CNTNAP3: variants seen among roughly 807,000 people sequenced by gnomAD.
CNTNAP3 encodes the protein contactin-associated protein-like 3.
Under a neutral mutation model 92.1 loss-of-function variants are expected in CNTNAP3, and 36 were observed. The ratio of observed to expected loss-of-function variants is 0.39; its 90% CI spans 0.30 to 0.52. CNTNAP3 has a LOEUF of 0.52. CNTNAP3 is among the 20% of genes least tolerant of loss of function. The pLI, the probability that CNTNAP3 is intolerant of heterozygous loss-of-function variation, is 0.76. For synonymous variants in CNTNAP3, 232 were observed against 422.3 expected (o/e 0.55, Z 5.53); for missense variants, 534 against 1,069.6 (o/e 0.50, Z 6.98).
intron 18 of CNTNAP3, among the ~76,000 whole-genome samples, chr9:39,092,917 T>C (rs1034613598): frequency 2.1e-5 from 3 of 143,744 alleles, no homozygotes; most frequent in Admixed American, 2.0e-4. Context: ...AAGTTTGTAA[T>C]TGTTATATCT....
At chr9:39,139,280 T>C (rs1000230703) in intron 12 of CNTNAP3, among the ~76,000 whole-genome samples, 2 of 152,162 alleles carry the variant, frequency 1.3e-5, no homozygotes, top group African/African-American at 4.8e-5. Flanking sequence ...GTTGTGACTT[T>C]GGTTGAGTCT....
chr9:39,108,630 T>C (rs1348279411), intron 15 of CNTNAP3, among the ~76,000 whole-genome samples: 1 of 152,136 alleles, frequency 6.6e-6, no homozygotes, highest in Non-Finnish European at 1.5e-5. Context: ...AGTAGGTAGA[T>C]CCTCTAAGAA....
At chr9:39,150,011 C>T (rs774407879) in intron 9 of CNTNAP3, 34 bp from the exon 10 acceptor site, 1 of 1,606,294 alleles carries the variant, frequency 6.2e-7, no homozygotes, top group South Asian at 1.1e-5. Flanking sequence ...ACAAAAGCAA[C>T]AACTATGACA....
chr9:39,106,405 C>T (rs1826607138), intron 15 of CNTNAP3: 1 of 152,154 alleles, frequency 6.6e-6, no homozygotes, highest in Admixed American at 6.6e-5. Flanking sequence ...ATCATCTCAC[C>T]TAAGCCTTCC....
intron 23 of CNTNAP3, among the ~76,000 whole-genome samples, chr9:39,077,977 G>C (rs1614220): frequency 0.092 from 6,006 of 65,162 alleles, no homozygotes; most frequent in South Asian, 0.18. Context: ...AGGCTGAGGC[G>C]GGCAGATCAC....
intron 18 of CNTNAP3, among the ~76,000 whole-genome samples, chr9:39,097,036 C>G (rs1246046809): frequency 6.6e-6 from 1 of 151,882 alleles, no homozygotes; most frequent in African/African-American, 2.4e-5. Flanking sequence ...TGATATTTCT[C>G]TGATGATCTA....
chr9:39,251,142 G>A (rs1415298738), intron 2 of CNTNAP3, among the ~76,000 whole-genome samples: 113 of 5,968 alleles, frequency 0.019, 53 homozygotes, highest in Non-Finnish European at 0.05. Flanking sequence ...CAAGGCGGGC[G>A]AATCCCCTGA....
intron 14 of CNTNAP3, among the ~76,000 whole-genome samples, chr9:39,115,038 T>G (rs1820821790): frequency 6.6e-6 from 1 of 151,614 alleles, no homozygotes; most frequent in Non-Finnish European, 1.5e-5. Flanking sequence ...AATAAATCTT[T>G]GGCATGTTAT....
In CNTNAP3 at chr9:39,065,844, T is replaced by G. The variant is rs993024739; in HGVS notation, c.*8046A>C. Among the ~76,000 whole-genome samples the G allele has an allele frequency of 2.6e-5, 4 of 152,190 alleles. No individual in the cohort carries two copies. The highest frequency in any genetic ancestry group is 9.6e-5 in the African/African-American group (4 of 41,452). On this transcript the variant is annotated 3_prime_UTR_variant, in exon 24 of 24. Transcript: ENST00000297668. ...GAGTTGTTAAGAGTTCTTTATGAACTATATTCTGAAAAAAATTTACAGCAT... is the reference window on the plus strand; with the variant it reads ...GAGTTGTTAAGAGTTCTTTATGAACGATATTCTGAAAAAAATTTACAGCAT...
Position 39,068,139 on chromosome 9 carries a change from C to T in CNTNAP3, c.*5751G>A, listed in dbSNP as rs1443269795. Among the ~76,000 whole-genome samples, 2 of 152,306 alleles carry T rather than the reference C, an allele frequency of 1.3e-5. No individual in the cohort carries two copies. The highest frequency in any genetic ancestry group is 2.4e-5 in the African/African-American group (1 of 41,484). ...TTCAGGGCGGGCGCAGTGGCTTACG[C>T]CTGTGATACCAGCGCTTTAGGAGGC... is the stretch of plus-strand genomic sequence containing the variant. On this transcript the variant is annotated 3_prime_UTR_variant, in exon 24 of 24. Coordinates refer to ENST00000297668, the MANE Select transcript of CNTNAP3 (RefSeq NM_033655.5).
chr9:39,086,327 T>C, intron 20 of CNTNAP3: 1 of 241,554 alleles, frequency 4.1e-6, no homozygotes, highest in Non-Finnish European at 7.9e-6. Flanking sequence ...TTTAAGTTGC[T>C]AAAGTATTTG....
Position 39,065,965 on chromosome 9 carries a change from T to C in CNTNAP3, c.*7925A>G, listed in dbSNP as rs1046945354. ...AAAAGGAGAGTTGTTAATCTTAAGG[T>C]CAAATTTATCAGATTTTTATTTTAT... On this transcript the variant is annotated 3_prime_UTR_variant, in exon 24 of 24. Coordinates refer to ENST00000297668, the MANE Select transcript of CNTNAP3 (RefSeq NM_033655.5). Among the ~76,000 whole-genome samples, 7 of 152,350 alleles carry C rather than the reference T, an allele frequency of 4.6e-5. No individual in the cohort carries two copies. Among genetic ancestry groups the C allele is most frequent in the African/African-American group, 1.7e-4 (7 of 41,572 alleles).
chr9:39,103,960 C>T, intron 15 of CNTNAP3, 46 bp from the exon 16 acceptor site: 1 of 1,499,656 alleles, frequency 6.7e-7, no homozygotes, highest in Non-Finnish European at 8.9e-7. Context: ...AGTCATGAAA[C>T]AAAAATAACA....
At chr9:39,094,523 A>C (rs1291718142) in intron 18 of CNTNAP3, among the ~76,000 whole-genome samples, 2 of 151,492 alleles carry the variant, frequency 1.3e-5, no homozygotes, top group Non-Finnish European at 3.0e-5. Context: ...ATTCATTTTG[A>C]GTTAATTTTG....
intron 13 of CNTNAP3, among the ~76,000 whole-genome samples, chr9:39,125,364 G>C (rs1050962599): frequency 7.2e-5 from 11 of 152,138 alleles, no homozygotes; most frequent in African/African-American, 1.7e-4. Context: ...GTCATGGGGT[G>C]GGGGGAGAGG....
In CNTNAP3 at chr9:39,067,648, G is replaced by T. The variant is rs1337158536; in HGVS notation, c.*6242C>A. On this transcript the variant is annotated 3_prime_UTR_variant, in exon 24 of 24. Transcript: ENST00000297668. ...CCCGACCTCGTGATCTGCCTGCCTCGACCTCCCAAAGTGCTGGGATTACAG... is the reference window on the plus strand; with the variant it reads ...CCCGACCTCGTGATCTGCCTGCCTCTACCTCCCAAAGTGCTGGGATTACAG... Among the ~76,000 whole-genome samples, 1 of 152,308 alleles carries T rather than the reference G, an allele frequency of 6.6e-6. No homozygotes were observed. The highest frequency in any genetic ancestry group is 1.5e-5 in the Non-Finnish European group (1 of 68,054).
chr9:39,127,129 T>C (rs1821170852), intron 13 of CNTNAP3, among the ~76,000 whole-genome samples: 1 of 151,934 alleles, frequency 6.6e-6, no homozygotes, highest in Admixed American at 6.6e-5. Context: ...TCTAAACACT[T>C]AGAAATTTTT....
intron 9 of CNTNAP3, among the ~76,000 whole-genome samples, chr9:39,150,414 T>A (rs1821816098): frequency 1.0e-5 from 1 of 96,542 alleles, no homozygotes; most frequent in South Asian, 4.2e-4. Flanking sequence ...CCTGAAAATA[T>A]AATTGTGTAC....
rs1332281852 is a variant in CNTNAP3 at position 39,067,458 on chromosome 9, C to T, written c.*6432G>A. Among the ~76,000 whole-genome samples, 13 of 152,390 alleles carry T rather than the reference C, an allele frequency of 8.5e-5. No individual in the cohort carries two copies. The highest frequency in any genetic ancestry group is 7.2e-4 in the Admixed American group (11 of 15,300). Reference sequence around the variant, plus strand: ...TGTTGCCCAGGCTGGAGTGCAATGGCGCAATCTCGGCCCACTGCAAACTCT... The same window carrying T: ...TGTTGCCCAGGCTGGAGTGCAATGGTGCAATCTCGGCCCACTGCAAACTCT... On this transcript the variant is annotated 3_prime_UTR_variant, in exon 24 of 24. Transcript: ENST00000297668.
Sources: gnomAD v4.1 joint callset for allele counts (sites outside exome capture counted in the v4.1 genomes callset) on GRCh38, gnomAD v4.1.1 for gene constraint, MANE v1.5 for transcripts, NCBI Gene and HGNC (gene_info 2026-07-23, HGNC 2026-07-21) for gene names.